DNM2: variants seen among roughly 807,000 people sequenced by gnomAD.
The protein encoded by DNM2 is dynamin 2, also known as dynamin-2.
Under a neutral mutation model 99.0 loss-of-function variants are expected in DNM2, and 15 were observed. That is an observed-to-expected ratio of 0.15 (90% CI 0.10 to 0.23). The LOEUF is 0.23. Ranked by LOEUF, DNM2 falls within the 10% of genes least tolerant of loss-of-function variation. The pLI, the probability that DNM2 is intolerant of heterozygous loss-of-function variation, is 1.00. For synonymous variants in DNM2, 525 were observed against 481.2 expected (o/e 1.09, Z -1.19); for missense variants, 742 against 1,189.4 (o/e 0.62, Z 5.53).
chr19:10,752,963 C>A (rs1035034490), intron 1 of DNM2, among the ~76,000 whole-genome samples: 1 of 151,764 alleles, frequency 6.6e-6, no homozygotes, highest in Non-Finnish European at 1.5e-5. Context: ...AACAAACAAA[C>A]AAAAAAACCA....
At position 10,816,959 on chromosome 19, in the gene DNM2, C is replaced by T. The variant is rs1041713852; in HGVS notation, c.1672-3021C>T. Among the ~76,000 whole-genome samples the T allele has an allele frequency of 4.6e-5, 7 of 152,158 alleles. No individual in the cohort carries two copies. Among genetic ancestry groups the T allele is most frequent in the African/African-American group, 1.4e-4 (6 of 41,428 alleles). On this transcript the variant is annotated intron_variant, in intron 15 of 20. Coordinates refer to ENST00000389253, the MANE Select transcript of DNM2 (RefSeq NM_001005361.3). This position sits in a 1 kb window ranked among gnomAD's most constrained non-coding sequence, Gnocchi z 4.6. ...AGTGGGAGAAGGGCCGGGCGCCGGC[C>T]GTAATGAGAAACAGCCGACCTGTGA...
At position 10,830,406 on chromosome 19, in the gene DNM2, C is replaced by T. The variant is rs1266529506; in HGVS notation, c.2543+28C>T. Reference sequence around the variant, plus strand: ...AAGGCCAACCCCCTGCCCTCCACCCCAACTGCCTGCACCCTGGGGTCTCTC... The same window carrying T: ...AAGGCCAACCCCCTGCCCTCCACCCTAACTGCCTGCACCCTGGGGTCTCTC... On this transcript the variant is annotated intron_variant, in intron 20 of 20. Transcript: ENST00000389253. The surrounding 1 kb of genome is among the most constrained non-coding windows in gnomAD (Gnocchi z 4.8). 6.2e-7 allele frequency: 1 copy of T among 1,600,740 alleles called. No individual in the cohort carries two copies. Among genetic ancestry groups the T allele is most frequent in the Non-Finnish European group, 8.5e-7 (1 of 1,176,806 alleles).
intron 1 of DNM2, among the ~76,000 whole-genome samples, chr19:10,745,265 G>C (rs1254722231): frequency 6.6e-6 from 1 of 152,194 alleles, no homozygotes; most frequent in Non-Finnish European, 1.5e-5. Flanking sequence ...GATTTAGCCA[G>C]TTCCCTGCCA....
In DNM2 at chr19:10,772,181, G is replaced by C. The variant is rs1321893394; in HGVS notation, c.236-298G>C. ...TACAACCTCCGCCTCCCGGGTTCAAGCAATTATCCTGCCTCAGCCTCCTGA... is the reference window on the plus strand; with the variant it reads ...TACAACCTCCGCCTCCCGGGTTCAACCAATTATCCTGCCTCAGCCTCCTGA... On this transcript the variant is annotated intron_variant, in intron 2 of 20. Transcript: ENST00000389253. The surrounding 1 kb of genome is among the most constrained non-coding windows in gnomAD (Gnocchi z 4.9). 3.3e-5 allele frequency among the ~76,000 whole-genome samples: 5 copies of C among 151,872 alleles called. No individual in the cohort carries two copies. Among genetic ancestry groups the C allele is most frequent in the Non-Finnish European group, 7.4e-5 (5 of 68,000 alleles).
intron 6 of DNM2, among the ~76,000 whole-genome samples, chr19:10,783,528 G>T (rs979513548): frequency 2.0e-5 from 3 of 152,062 alleles, no homozygotes; most frequent in African/African-American, 7.2e-5. Context: ...AAGAGCAGAT[G>T]TTCAGTGACT....
chr19:10,829,745 C>T (rs2073269271), intron 19 of DNM2, among the ~76,000 whole-genome samples: 1 of 152,116 alleles, frequency 6.6e-6, no homozygotes, highest in African/African-American at 2.4e-5. Flanking sequence ...CCATGGAGTT[C>T]CTTAAGGGGA....
rs1176189628 is a variant in DNM2 at position 10,718,196 on chromosome 19, C to CCCG, written c.-47_-46insCCG. The CCCG allele has an allele frequency of 7.2e-7, 1 of 1,394,184 alleles. No individual in the cohort carries two copies. Among genetic ancestry groups the CCCG allele is most frequent in the Non-Finnish European group, 9.3e-7 (1 of 1,071,572 alleles). 86.4% of individuals were successfully genotyped at this position (1,394,184 alleles called of 1,614,324 possible). ...GCGGGGCCAGGTCGTTGAGGGTCGG[C>CCCG]GGCGGGCGAGGAGCGCAGGGCGCTC... On this transcript the variant is annotated 5_prime_UTR_variant, in exon 1 of 21. Transcript: ENST00000389253.
At chr19:10,826,653 A>G (rs557326490) in intron 18 of DNM2, among the ~76,000 whole-genome samples, 1 of 151,798 alleles carries the variant, frequency 6.6e-6, no homozygotes, top group East Asian at 2.0e-4. Flanking sequence ...TGGGAGGCTG[A>G]GGAGGGAGGA....
At position 10,830,012 on chromosome 19, in the gene DNM2, G is replaced by T; in HGVS notation, c.2292-115G>T. On this transcript the variant is annotated intron_variant, in intron 19 of 20. Transcript: ENST00000389253. The surrounding 1 kb of genome is among the most constrained non-coding windows in gnomAD (Gnocchi z 4.8). ...CAGGTTGGGGTGGGAGGATCCCACT[G>T]CGCCTGCGCTGTCCCCATAGCCAGC... is the stretch of plus-strand genomic sequence containing the variant. The T allele has an allele frequency of 2.7e-6, 4 of 1,485,554 alleles. No homozygotes were observed. Among genetic ancestry groups the T allele is most frequent in the Non-Finnish European group, 2.8e-6 (3 of 1,064,416 alleles). 92.0% of individuals were successfully genotyped at this position (1,485,554 alleles called of 1,614,324 possible).
At chr19:10,727,665 C>T (rs898054472) in intron 1 of DNM2, among the ~76,000 whole-genome samples, 18 of 152,202 alleles carry the variant, frequency 1.2e-4, no homozygotes, top group Middle Eastern at 3.4e-3. Flanking sequence ...CCACGGCACC[C>T]GGCCTAGGTT....
intron 1 of DNM2, among the ~76,000 whole-genome samples, chr19:10,720,212 A>T (rs2016304): frequency 0.59 from 85,289 of 145,276 alleles, 24,548 homozygotes; most frequent in South Asian, 0.66. Flanking sequence ...TTATTTATTT[A>T]TTTATTTTTT....
chr19:10,755,539 C>T (rs1454325752), intron 1 of DNM2: 1 of 151,502 alleles, frequency 6.6e-6, no homozygotes, highest in Non-Finnish European at 1.5e-5. Flanking sequence ...CAGCTCACTG[C>T]AACCTCTGCC....
intron 1 of DNM2, among the ~76,000 whole-genome samples, chr19:10,722,784 C>T (rs949433384): frequency 2.6e-5 from 4 of 152,094 alleles, no homozygotes; most frequent in Admixed American, 6.6e-5. Flanking sequence ...CGTGCCACCA[C>T]GCTTGGCTAA....
intron 2 of DNM2, among the ~76,000 whole-genome samples, 177 bp downstream of exon 2, chr19:10,759,988 C>T (rs1180054202): frequency 6.6e-6 from 1 of 152,184 alleles, no homozygotes; most frequent in African/African-American, 2.4e-5. Flanking sequence ...CACACCCACA[C>T]TGCAAGCCCT....
At chr19:10,766,476 A>C (rs939011194) in intron 2 of DNM2, among the ~76,000 whole-genome samples, 1 of 152,106 alleles carries the variant, frequency 6.6e-6, no homozygotes, top group Non-Finnish European at 1.5e-5. Flanking sequence ...GGGACACCTC[A>C]AAGGGCCTGA....
Position 10,817,509 on chromosome 19 carries a change from C to G in DNM2, c.1672-2471C>G, listed in dbSNP as rs1276371648. ...ACACTGGGTTGGCGGGGCCGGCTAT[C>G]CATCCTGCAGAACCCCCCAGGCAGA... On this transcript the variant is annotated intron_variant, in intron 15 of 20. Coordinates refer to ENST00000389253, the MANE Select transcript of DNM2 (RefSeq NM_001005361.3). This position sits in a 1 kb window ranked among gnomAD's most constrained non-coding sequence, Gnocchi z 4.6. 1 of 456,784 alleles carries G rather than the reference C, an allele frequency of 2.2e-6. No homozygotes were observed. Among genetic ancestry groups the G allele is most frequent in the Non-Finnish European group, 4.5e-6 (1 of 221,556 alleles). 28.3% of individuals were successfully genotyped at this position (456,784 alleles called of 1,614,324 possible).
chr19:10,726,740 T>C (rs1252377430), intron 1 of DNM2, among the ~76,000 whole-genome samples: 1 of 152,146 alleles, frequency 6.6e-6, no homozygotes, highest in Non-Finnish European at 1.5e-5. Flanking sequence ...GGCAGGCGCC[T>C]GTAATCCCAG....
At position 10,831,763 on chromosome 19, in the gene DNM2, C is replaced by T. The variant is rs2073353055; in HGVS notation, c.*716C>T. 3.0e-6 allele frequency: 3 copies of T among 986,554 alleles called. No homozygotes were observed. Among genetic ancestry groups the T allele is most frequent in the Non-Finnish European group, 3.6e-6 (3 of 830,542 alleles). 61.1% of individuals were successfully genotyped at this position (986,554 alleles called of 1,614,324 possible). A position where few individuals can be genotyped will look rare whatever the true frequency, so the allele number is the denominator to read the frequency against. ...GGTCTTGGGGGCCTCTCAGCTCCCG[C>T]CCATGCCTCCCTGATGGGTGGGCCC... On this transcript the variant is annotated 3_prime_UTR_variant, in exon 21 of 21. Coordinates refer to ENST00000389253, the MANE Select transcript of DNM2 (RefSeq NM_001005361.3). The surrounding 1 kb of genome is among the most constrained non-coding windows in gnomAD (Gnocchi z 4.3).
intron 14 of DNM2, chr19:10,810,791 C>T (rs1431384953): frequency 1.3e-5 from 2 of 152,336 alleles, no homozygotes; most frequent in Non-Finnish European, 2.9e-5. Flanking sequence ...CTACTAAGCA[C>T]TCGTTCTGTG....
Sources: allele counts gnomAD v4.1 joint callset (sites outside exome capture counted in the v4.1 genomes callset), GRCh38; gene constraint gnomAD v4.1.1; non-coding constraint Gnocchi (gnomAD v3.1); transcripts MANE v1.5; gene names NCBI Gene and HGNC (gene_info 2026-07-23, HGNC 2026-07-21).